The following PCDHA1 variants were observed in gnomAD, a reference collection of about 807,000 sequenced individuals.
PCDHA1 encodes the protein protocadherin alpha 1.
Under a neutral mutation model 61.3 loss-of-function variants are expected in PCDHA1, and 42 were observed. That is an observed-to-expected ratio of 0.69 (90% CI 0.54 to 0.89). PCDHA1 has a LOEUF of 0.89. Among genes scored for constraint, PCDHA1 ranks in the 40% least tolerant of loss-of-function variants. The probability of loss-of-function intolerance (pLI) is 0.00; values close to 1 mark genes in which losing one functional copy is unlikely to be tolerated. For synonymous variants in PCDHA1, 610 were observed against 553.8 expected (o/e 1.10, Z -1.43); for missense variants, 1,256 against 1,235.3 (o/e 1.02, Z -0.25).
intron 1 of PCDHA1, chr5:140,871,319 T>C (rs782385310): frequency 6.2e-7 from 1 of 1,614,040 alleles, no homozygotes; most frequent in Admixed American, 1.7e-5. Flanking sequence ...CCCACGCTGG[T>C]GTGCTCCCGC....
intron 1 of PCDHA1, chr5:140,822,071 C>A: frequency 1.2e-6 from 2 of 1,614,192 alleles, no homozygotes; most frequent in Non-Finnish European, 1.7e-6. Flanking sequence ...CGGCGGAGGG[C>A]GGAGTGCAGC....
chr5:140,823,741 C>A (rs2150128632), intron 1 of PCDHA1: 25 of 1,613,720 alleles, frequency 1.5e-5, no homozygotes, highest in Non-Finnish European at 2.0e-5. Flanking sequence ...CCATGGAGAG[C>A]CCCCGCTGAC....
chr5:140,864,968 G>C (rs1354647495), intron 1 of PCDHA1: 1 of 152,146 alleles, frequency 6.6e-6, no homozygotes, highest in Non-Finnish European at 1.5e-5. Flanking sequence ...GAAGCCGAGG[G>C]AGGAGGATCG....
chr5:140,852,117 T>A, intron 1 of PCDHA1: 1 of 906,144 alleles, frequency 1.1e-6, no homozygotes, highest in Non-Finnish European at 1.3e-6. Context: ...AGGTATGACC[T>A]AATTAAAAAC....
rs531269900 is a variant in PCDHA1, at chr5:140,802,701, C to A, written c.2394+14017C>A. ...GCTGGTGGAACGGCGGGTGGGGGAGCGCGCGCTGTCGAGCTACGTGTCGGT... is the reference window on the plus strand; with the variant it reads ...GCTGGTGGAACGGCGGGTGGGGGAGAGCGCGCTGTCGAGCTACGTGTCGGT... On this transcript the variant is annotated intron_variant, in intron 1 of 3. Coordinates refer to ENST00000504120, the MANE Select transcript of PCDHA1 (RefSeq NM_018900.4). 6.2e-6 allele frequency: 10 copies of A among 1,612,220 alleles called. No individual in the cohort carries two copies. Among genetic ancestry groups the A allele is most frequent in the African/African-American group, 1.3e-5 (1 of 74,890 alleles).
chr5:140,834,170 A>T (rs1010045259), intron 1 of PCDHA1: 13 of 553,312 alleles, frequency 2.3e-5, no homozygotes, highest in Admixed American at 1.0e-4. Flanking sequence ...TCTTACTTAC[A>T]TGATGGCCAC....
chr5:140,929,272 T>C (rs560527071), intron 1 of PCDHA1: 1 of 1,607,152 alleles, frequency 6.2e-7, no homozygotes. Flanking sequence ...TTTGCCAATA[T>C]CCTGTATTCA....
intron 1 of PCDHA1, among the ~76,000 whole-genome samples, chr5:140,961,451 T>C (rs1307588711): frequency 1.3e-5 from 2 of 152,238 alleles, no homozygotes; most frequent in Non-Finnish European, 2.9e-5. Context: ...TACACTGTCT[T>C]GCAGCTGCCT....
At chr5:140,807,331 C>T in intron 1 of PCDHA1, 3 of 1,613,662 alleles carry the variant, frequency 1.9e-6, no homozygotes, top group South Asian at 2.2e-5. Flanking sequence ...TGGGCCGCAT[C>T]GCGCAGGACC....
chr5:140,852,889 T>G lies in PCDHA1; in HGVS notation c.2394+64205T>G. On this transcript the variant is annotated intron_variant, in intron 1 of 3. Transcript: ENST00000504120. ...TCATCAATAATCATAAAACGTATTT[T>G]TTTTTTTGAGTCAGAGTCTCGCTCT... is the stretch of plus-strand genomic sequence containing the variant. The G allele has an allele frequency of 2.2e-6, 2 of 920,480 alleles. 1 individual carries two copies. The highest frequency in any genetic ancestry group is 2.6e-6 in the Non-Finnish European group (2 of 757,628). The allele number at this position is 920,480 out of a possible 1,614,324, so 57.0% of individuals were successfully genotyped here.
chr5:140,877,138 C>T (rs2056878695), intron 1 of PCDHA1: 2 of 1,613,636 alleles, frequency 1.2e-6, no homozygotes, highest in Non-Finnish European at 1.7e-6. Flanking sequence ...GGTGTTCGTG[C>T]TGGACGAGAA....
intron 1 of PCDHA1, chr5:140,926,589 G>T (rs929081687): frequency 1.7e-5 from 5 of 292,778 alleles, no homozygotes; most frequent in Non-Finnish European, 2.5e-5. Flanking sequence ...TCTCGCGCCC[G>T]GGCGGGCGGC....
Position 140,793,468 on chromosome 5 carries a change from G to GA in PCDHA1, c.2394+4791dup, listed in dbSNP as rs536162808. ...GTATCTTAAGATACTGTACATGAGG[G>GA]AAAAAAATTGTTATTGGAAAAAAAG... On this transcript the variant is annotated intron_variant, in intron 1 of 3. Transcript: ENST00000504120. 2.0e-3 allele frequency among the ~76,000 whole-genome samples: 304 copies of GA among 152,174 alleles called. 2 individuals carry two copies. Among genetic ancestry groups the GA allele is most frequent in the African/African-American group, 6.6e-3 (274 of 41,516 alleles).
chr5:140,798,827 G>A (rs552160606), intron 1 of PCDHA1, among the ~76,000 whole-genome samples: 7 of 152,258 alleles, frequency 4.6e-5, no homozygotes, highest in Admixed American at 3.9e-4. Context: ...AAAGGCAGAT[G>A]TATTGCAATA....
At chr5:140,802,681 T>C in intron 1 of PCDHA1, 1 of 1,613,198 alleles carries the variant, frequency 6.2e-7, no homozygotes, top group Non-Finnish European at 8.5e-7. Context: ...TACTCGCTGG[T>C]GGAACGGCGG....
intron 1 of PCDHA1, chr5:140,822,764 C>G: frequency 4.3e-6 from 7 of 1,613,898 alleles, no homozygotes; most frequent in Non-Finnish European, 5.1e-6. Flanking sequence ...TTCCCATTAT[C>G]AGGACACTGT....
At chr5:140,870,073 A>T in intron 1 of PCDHA1, 1 of 1,613,872 alleles carries the variant, frequency 6.2e-7, no homozygotes, top group Non-Finnish European at 8.5e-7. Context: ...GGCTACAGAT[A>T]AGGGGACTCC....
intron 1 of PCDHA1, chr5:140,857,801 G>A: frequency 6.3e-7 from 1 of 1,597,726 alleles, no homozygotes; most frequent in Non-Finnish European, 8.6e-7. Flanking sequence ...GCGGTCGGTG[G>A]TTGCGGGTCA....
intron 1 of PCDHA1, chr5:140,809,098 G>A (rs1764362378): frequency 1.2e-6 from 2 of 1,613,858 alleles, no homozygotes; most frequent in Admixed American, 1.7e-5. Flanking sequence ...CGCGTGCCCT[G>A]GACGAAACGG....
Sources: allele counts gnomAD v4.1 joint callset (sites outside exome capture counted in the v4.1 genomes callset), GRCh38; gene constraint gnomAD v4.1.1; transcripts MANE v1.5; gene names NCBI Gene and HGNC (gene_info 2026-07-23, HGNC 2026-07-21).